The following SLCO1B3 variants were observed in gnomAD, a reference collection of about 807,000 sequenced individuals.
SLCO1B3 encodes solute carrier organic anion transporter family member 1B3, also known as liver-specific organic anion transporter 2.
In SLCO1B3, 72 loss-of-function variants were observed where a neutral mutation model predicts 71.8. The ratio of observed to expected loss-of-function variants is 1.00; its 90% CI spans 0.83 to 1.22. The LOEUF (loss-of-function observed/expected upper bound fraction) is 1.22, where lower values mean the gene tolerates loss of function less well. SLCO1B3 is among the 50% of genes most tolerant of loss of function. The pLI is 0.00. For missense variants in SLCO1B3, 911 were observed against 819.7 expected (o/e 1.11, Z -1.36); for synonymous variants, 298 against 278.4 (o/e 1.07, Z -0.70).
rs1451078373 is a variant in SLCO1B3, at chr12:20,877,844, A to C, written c.1043A>C (p.Gln348Pro). 6.3e-7 allele frequency: 1 copy of C among 1,585,600 alleles called. No individual in the cohort carries two copies. Among genetic ancestry groups the C allele is most frequent in the Non-Finnish European group, 8.6e-7 (1 of 1,166,558 alleles). Reference protein sequence around the residue: ...YVIFLLLTLLQVSSFIGSFTY... With the variant: ...YVIFLLLTLLPVSSFIGSFTY... The stretch of plus-strand genomic sequence containing the variant: ...ATATTTCTGCTTTTGACATTGTTAC[A>C]AGTAAGCAGCTTTATTGGTTCTTTT... The change falls in exon 10 of 16, where the codon CAA (glutamine) becomes CCA (proline). Residue 348 changes from glutamine (Q) to proline (P), a missense_variant. Coordinates refer to ENST00000381545, the MANE Select transcript of SLCO1B3 (RefSeq NM_019844.4).
chr12:20,830,887 T>C (rs1007878900), intron 3 of SLCO1B3, among the ~76,000 whole-genome samples: 21 of 152,366 alleles, frequency 1.4e-4, no homozygotes, highest in African/African-American at 5.0e-4. Flanking sequence ...TTAGGCTTAA[T>C]TATTTTTACT....
intron 3 of SLCO1B3, among the ~76,000 whole-genome samples, chr12:20,830,992 T>C (rs1315987838): frequency 6.6e-6 from 1 of 152,148 alleles, no homozygotes; most frequent in Non-Finnish European, 1.5e-5. Context: ...AATAATCCCT[T>C]AAAGCATATT....
chr12:20,868,389 A>G (rs150189318), intron 8 of SLCO1B3, among the ~76,000 whole-genome samples: 9 of 152,306 alleles, frequency 5.9e-5, no homozygotes, highest in Non-Finnish European at 1.2e-4. Flanking sequence ...ATACAGTATT[A>G]TTAACTACAG....
In SLCO1B3 at chr12:20,916,201, G is replaced by A. The variant is rs899858622; in HGVS notation, c.2063G>A (p.Ser688Asn). 7 of 1,612,590 alleles carry A rather than the reference G, an allele frequency of 4.3e-6. No homozygotes were observed. Among genetic ancestry groups the A allele is most frequent in the South Asian group, 2.2e-5 (2 of 91,052 alleles). Residue 688 changes from serine (S) to asparagine (N), a missense_variant, in exon 16 of 16, where the codon AGT becomes AAT. Coordinates refer to ENST00000381545, the MANE Select transcript of SLCO1B3 (RefSeq NM_019844.4). ...TTTGTACCTTCTGCTGGAACAGATA[G>A]TAAAACATGTAATTTGGACATGCAA... ...EHFVPSAGTD[S>N]KTCNLDMQDN...
Position 20,862,471 on chromosome 12 carries a change from C to T in SLCO1B3, c.541C>T (p.Arg181Cys), listed in dbSNP as rs746941097. ...CTATGTCTTCATGGGGAATATGCTT[C>T]GTGGCATAGGGGAAACCCCCATAGT... ...WIYVFMGNML[R>C]GIGETPIVPL... The change falls in exon 7 of 16, where the codon CGT (arginine) becomes TGT (cysteine). Residue 181 changes from arginine to cysteine, a missense_variant. Coordinates refer to ENST00000381545, the MANE Select transcript of SLCO1B3 (RefSeq NM_019844.4). 37 of 1,612,916 alleles carry T rather than the reference C, an allele frequency of 2.3e-5. No individual in the cohort carries two copies. The highest frequency in any genetic ancestry group is 3.3e-5 in the Admixed American group (2 of 59,922).
At chr12:20,825,956 A>G (rs1308755308) in intron 3 of SLCO1B3, among the ~76,000 whole-genome samples, 1 of 152,156 alleles carries the variant, frequency 6.6e-6, no homozygotes, top group African/African-American at 2.4e-5. Context: ...CTTAATAAGA[A>G]TAACGAATTA....
intron 15 of SLCO1B3, among the ~76,000 whole-genome samples, chr12:20,910,711 G>C (rs1866355250): frequency 6.6e-6 from 1 of 151,910 alleles, no homozygotes. Context: ...CATTTTTGGG[G>C]GTGTTAACGT....
At chr12:20,813,689 G>A (rs1313904450) in intron 2 of SLCO1B3, 51 bp downstream of exon 2, 2 of 152,134 alleles carry the variant, frequency 1.3e-5, no homozygotes, top group Non-Finnish European at 2.9e-5. Context: ...CTAATTCAAT[G>A]TTAATGAATC....
intron 14 of SLCO1B3, among the ~76,000 whole-genome samples, 154 bp downstream of exon 14, chr12:20,898,654 G>T (rs950454836): frequency 1.3e-5 from 2 of 152,050 alleles, no homozygotes; most frequent in Non-Finnish European, 2.9e-5. Flanking sequence ...AAAAAGGAAC[G>T]GGAAAATTGA....
chr12:20,840,390 A>AT lies in SLCO1B3; in HGVS notation c.85-14619dup, dbSNP rs199898909. ...CCATAAATTTCACAAATGCTTCTCA[A>AT]TTTTTTTTTTTTTTTTTTTGAGATG... On this transcript the variant is annotated intron_variant, in intron 3 of 15. Transcript: ENST00000381545. 8.3e-3 allele frequency among the ~76,000 whole-genome samples: 1,170 copies of AT among 141,006 alleles called. 13 individuals carry two copies. The highest frequency in any genetic ancestry group is 0.018 in the African/African-American group (697 of 37,896). The allele number at this position is 141,006 out of a possible 152,430, so 92.5% of individuals were successfully genotyped here. A position where few individuals can be genotyped will look rare whatever the true frequency, so the allele number is the denominator to read the frequency against.
chr12:20,869,517 A>G (rs1270210319), intron 8 of SLCO1B3, among the ~76,000 whole-genome samples: 2 of 152,200 alleles, frequency 1.3e-5, no homozygotes, highest in East Asian at 1.9e-4. Flanking sequence ...ATATTTTATT[A>G]TACTGGAACA....
intron 15 of SLCO1B3, 101 bp downstream of exon 15, chr12:20,901,568 T>G: frequency 1.6e-6 from 1 of 611,856 alleles, no homozygotes. Context: ...TAATGATAGC[T>G]ACCATTTAGT....
At chr12:20,879,833 G>A (rs866604332) in intron 11 of SLCO1B3, among the ~76,000 whole-genome samples, 5 of 151,884 alleles carry the variant, frequency 3.3e-5, no homozygotes, top group South Asian at 2.1e-4. Flanking sequence ...AAGCAACATC[G>A]GTTGAAATAA....
At chr12:20,912,507 T>G (rs1398292262) in intron 15 of SLCO1B3, among the ~76,000 whole-genome samples, 3 of 149,852 alleles carry the variant, frequency 2.0e-5, no homozygotes, top group Non-Finnish European at 1.5e-5. Context: ...TTTTTTTTTT[T>G]TTTTTGTATT....
At chr12:20,852,760 C>T (rs1865050581) in intron 3 of SLCO1B3, among the ~76,000 whole-genome samples, 2 of 151,898 alleles carry the variant, frequency 1.3e-5, no homozygotes, top group South Asian at 4.1e-4. Flanking sequence ...AGAAACACTT[C>T]TTAATTTTGA....
intron 15 of SLCO1B3, among the ~76,000 whole-genome samples, chr12:20,905,555 A>G (rs35728231): frequency 0.11 from 17,442 of 152,172 alleles, 1,346 homozygotes; most frequent in Middle Eastern, 0.27. Flanking sequence ...AATTTCTTCC[A>G]CTAGATACCC....
At chr12:20,843,609 T>A (rs1283721228) in intron 3 of SLCO1B3, among the ~76,000 whole-genome samples, 1 of 151,856 alleles carries the variant, frequency 6.6e-6, no homozygotes, top group Non-Finnish European at 1.5e-5. Context: ...TGAAACCCCG[T>A]CTCTACTAAA....
At chr12:20,897,437 A>T (rs558421216) in intron 13 of SLCO1B3, among the ~76,000 whole-genome samples, 2 of 152,232 alleles carry the variant, frequency 1.3e-5, no homozygotes, top group Non-Finnish European at 2.9e-5. Context: ...ATAACATATG[A>T]GATAAGCATT....
intron 13 of SLCO1B3, among the ~76,000 whole-genome samples, chr12:20,896,389 T>C (rs1197739797): frequency 6.6e-6 from 1 of 152,182 alleles, no homozygotes; most frequent in Non-Finnish European, 1.5e-5. Flanking sequence ...CTTTGCTGCT[T>C]AGAAATTTTT....
Sources: gnomAD v4.1 joint callset for allele counts (sites outside exome capture counted in the v4.1 genomes callset) on GRCh38, gnomAD v4.1.1 for gene constraint, MANE v1.5 for transcripts, NCBI Gene and HGNC (gene_info 2026-07-23, HGNC 2026-07-21) for gene names.